Variants in TMEM132D observed in about 807,000 individuals in gnomAD.
TMEM132D encodes mature OL transmembrane protein.
Under a neutral mutation model 62.3 loss-of-function variants are expected in TMEM132D, and 21 were observed. The observed-to-expected ratio is 0.34, with a 90% CI of 0.24 to 0.49. The LOEUF is 0.49. Among genes scored for constraint, TMEM132D ranks in the 20% least tolerant of loss-of-function variants. The pLI is 0.99. For synonymous variants in TMEM132D, 621 were observed against 575.6 expected, an observed-to-expected ratio of 1.08 and a Z score of -1.13; for missense variants, 1,346 against 1,402.8, an observed-to-expected ratio of 0.96 and a Z score of 0.65.
At chr12:129,768,676 C>T (rs911521043) in intron 1 of TMEM132D, among the ~76,000 whole-genome samples, 9 of 152,050 alleles carry the variant, frequency 5.9e-5, no homozygotes, top group Non-Finnish European at 8.8e-5. Context: ...ATGGTAGAGG[C>T]GAAACAGGGA....
intron 1 of TMEM132D, among the ~76,000 whole-genome samples, chr12:129,891,383 C>T (rs1046261221): frequency 6.6e-6 from 1 of 152,188 alleles, no homozygotes; most frequent in Admixed American, 6.5e-5. Context: ...TTGAGAGCAA[C>T]ATCATCAAAG....
chr12:129,877,844 G>C, intron 1 of TMEM132D, among the ~76,000 whole-genome samples: 1 of 152,176 alleles, frequency 6.6e-6, no homozygotes, highest in Admixed American at 6.5e-5. Context: ...CACTGGTAAG[G>C]CTGCATGAAA....
chr12:129,628,189 CAT>C (rs1372715885), intron 2 of TMEM132D, among the ~76,000 whole-genome samples: 4 of 152,170 alleles, frequency 2.6e-5, no homozygotes, highest in Admixed American at 6.5e-5. Flanking sequence ...AAGAATATCA[CAT>C]GTGTTCCCAG....
chr12:129,841,877 A>G (rs137939328), intron 1 of TMEM132D, among the ~76,000 whole-genome samples: 1 of 151,334 alleles, frequency 6.6e-6, no homozygotes, highest in East Asian at 1.9e-4. Context: ...AATGGCTGAT[A>G]TTCGTTGAGC....
At chr12:129,408,478 A>G (rs1278931453) in intron 3 of TMEM132D, among the ~76,000 whole-genome samples, 2 of 151,628 alleles carry the variant, frequency 1.3e-5, no homozygotes, top group Non-Finnish European at 2.9e-5. Flanking sequence ...GGAAATGCCA[A>G]TACTGATGTC....
chr12:129,151,930 T>C (rs370018360), intron 5 of TMEM132D, among the ~76,000 whole-genome samples: 3 of 147,032 alleles, frequency 2.0e-5, no homozygotes, highest in African/African-American at 7.6e-5. Flanking sequence ...CAGGCTGGAG[T>C]GCAGTGGTGC....
chr12:129,534,972 A>G (rs1291730992), intron 2 of TMEM132D, among the ~76,000 whole-genome samples: 1 of 152,122 alleles, frequency 6.6e-6, no homozygotes, highest in Non-Finnish European at 1.5e-5. Context: ...GTTATTTATG[A>G]TCATTTCCAA....
intron 4 of TMEM132D, among the ~76,000 whole-genome samples, chr12:129,252,807 A>T (rs1880303056): frequency 6.6e-6 from 1 of 152,092 alleles, no homozygotes; most frequent in Non-Finnish European, 1.5e-5. Flanking sequence ...TCCAACAACG[A>T]TAGACTGGAT....
chr12:129,748,070 T>A (rs557754169), intron 1 of TMEM132D, among the ~76,000 whole-genome samples: 1 of 152,216 alleles, frequency 6.6e-6, no homozygotes, highest in African/African-American at 2.4e-5. Context: ...GCATGGTACC[T>A]GCTTGATAAG....
At chr12:129,400,162 G>A (rs143157023) in intron 3 of TMEM132D, among the ~76,000 whole-genome samples, 1 of 152,198 alleles carries the variant, frequency 6.6e-6, no homozygotes, top group African/African-American at 2.4e-5. Flanking sequence ...CCAGAAATAA[G>A]TGAGGCCCCA....
chr12:129,686,773 G>C (rs1054626175), intron 2 of TMEM132D, among the ~76,000 whole-genome samples: 10 of 152,118 alleles, frequency 6.6e-5, no homozygotes, highest in Non-Finnish European at 1.2e-4. Context: ...CATTCATATT[G>C]ATTTCTGTCT....
At chr12:129,452,215 G>C (rs4759570) in intron 3 of TMEM132D, among the ~76,000 whole-genome samples, 1 of 152,166 alleles carries the variant, frequency 6.6e-6, no homozygotes, top group Non-Finnish European at 1.5e-5. Context: ...AGGGCAGTGC[G>C]TAATAGCGCC....
chr12:129,141,935 TA>T (rs1260061526), intron 5 of TMEM132D, among the ~76,000 whole-genome samples: 2 of 149,838 alleles, frequency 1.3e-5, no homozygotes, highest in Non-Finnish European at 3.0e-5. Context: ...TTAAAATTAC[TA>T]AAAAAACCCC....
intron 2 of TMEM132D, among the ~76,000 whole-genome samples, chr12:129,670,507 C>T (rs1056222276): frequency 6.6e-6 from 1 of 152,034 alleles, no homozygotes; most frequent in Non-Finnish European, 1.5e-5. Context: ...GGAACTGACT[C>T]AGTGCAAGAA....
Position 129,713,405 on chromosome 12 carries a change from G to T in TMEM132D, c.80-12707C>A, listed in dbSNP as rs73158845. ...GATCTCAGATTTTTGGTTTTTTGTT[G>T]TTTTTTTTTTTAATAAAAATTGCAA... On this transcript the variant is annotated intron_variant, in intron 1 of 8. Coordinates refer to ENST00000422113, the MANE Select transcript of TMEM132D (RefSeq NM_133448.3). Among the ~76,000 whole-genome samples, 1,108 of 147,242 alleles carry T rather than the reference G, an allele frequency of 7.5e-3. 3 individuals are homozygous for T. Among genetic ancestry groups the T allele is most frequent in the Admixed American group, 0.012 (181 of 14,790 alleles).
At chr12:129,182,428 A>C (rs952119561) in intron 5 of TMEM132D, among the ~76,000 whole-genome samples, 1 of 152,206 alleles carries the variant, frequency 6.6e-6, no homozygotes, top group Non-Finnish European at 1.5e-5. Context: ...CAACCAGAAC[A>C]TAGGCAAGTC....
At chr12:129,512,109 C>G (rs1875513494) in intron 3 of TMEM132D, among the ~76,000 whole-genome samples, 2 of 152,148 alleles carry the variant, frequency 1.3e-5, no homozygotes, top group African/African-American at 4.8e-5. Flanking sequence ...GGTAGCTACT[C>G]AAATAATTCC....
chr12:129,627,571 CT>C (rs921696238), intron 2 of TMEM132D, among the ~76,000 whole-genome samples: 4 of 151,752 alleles, frequency 2.6e-5, no homozygotes, highest in African/African-American at 4.8e-5. Flanking sequence ...AACCAGAAAC[CT>C]TTTTTTTAGA....
intron 4 of TMEM132D, among the ~76,000 whole-genome samples, chr12:129,331,471 C>T (rs1869103132): frequency 1.3e-5 from 2 of 152,124 alleles, no homozygotes; most frequent in African/African-American, 4.8e-5. Flanking sequence ...CAGATCCATT[C>T]TAATAACTAA....
Sources: gnomAD v4.1 joint callset for allele counts (sites outside exome capture counted in the v4.1 genomes callset) on GRCh38, gnomAD v4.1.1 for gene constraint, MANE v1.5 for transcripts, NCBI Gene and HGNC (gene_info 2026-07-23, HGNC 2026-07-21) for gene names.